Variants in RSBN1L observed in about 807,000 individuals in gnomAD.
The protein encoded by RSBN1L is lysine-specific demethylase RSBN1L.
A neutral mutation model predicts 67.7 loss-of-function variants in RSBN1L; 30 were observed. That is an observed-to-expected ratio of 0.44 (90% CI 0.33 to 0.60). The LOEUF is 0.60. Ranked by LOEUF, RSBN1L falls within the 20% of genes least tolerant of loss-of-function variation. RSBN1L has a pLI of 0.02. For synonymous variants in RSBN1L, 433 were observed against 387.0 expected, an observed-to-expected ratio of 1.12 and a Z score of -1.39; for missense variants, 992 against 1,031.7, an observed-to-expected ratio of 0.96 and a Z score of 0.53.
chr7:77,719,351 A>G (rs1791086985), intron 1 of RSBN1L, among the ~76,000 whole-genome samples: 1 of 152,248 alleles, frequency 6.6e-6, no homozygotes, highest in African/African-American at 2.4e-5. Context: ...TCTGGTTCCC[A>G]TAGTTACATA....
intron 3 of RSBN1L, among the ~76,000 whole-genome samples, chr7:77,764,078 CTTTTGATGTGACTATCT>C (rs1276890344): frequency 6.6e-6 from 1 of 152,156 alleles, no homozygotes; most frequent in Non-Finnish European, 1.5e-5. Flanking sequence ...AAGGATTCAA[CTTTTGATGTGACTATCT>C]TTTATAATCT....
chr7:77,773,286 G>A lies in RSBN1L; in HGVS notation c.1765G>A (p.Val589Met). 2.5e-6 allele frequency: 4 copies of A among 1,608,022 alleles called. No individual in the cohort carries two copies. The highest frequency in any genetic ancestry group is 3.4e-6 in the Non-Finnish European group (4 of 1,177,558). Reference sequence around the variant, plus strand: ...ACGACAGACTACAGCTGCTGTTGGAGTGCTGAAGGCTGTGCACTGTGGAGA... The same window carrying A: ...ACGACAGACTACAGCTGCTGTTGGAATGCTGAAGGCTGTGCACTGTGGAGA... ...FERQTTAAVG[V>M]LKAVHCGEWP... Residue 589 changes from valine to methionine, a missense_variant, in exon 6 of 8, where the codon GTG becomes ATG. Coordinates refer to ENST00000334955, the MANE Select transcript of RSBN1L (RefSeq NM_198467.3).
chr7:77,772,682 G>T (rs1791864668), intron 5 of RSBN1L, among the ~76,000 whole-genome samples: 1 of 152,144 alleles, frequency 6.6e-6, no homozygotes, highest in Non-Finnish European at 1.5e-5. Context: ...ACGAGAGTGG[G>T]GTCCTCTTCT....
Position 77,782,799 on chromosome 7 carries a change from G to GT in RSBN1L, c.*3637dup, listed in dbSNP as rs879544736. ...CATTAGTGTTCCTGAGTGTAAAACA[G>GT]TTTTTTCCCAAATACTTATGGCAGA... On this transcript the variant is annotated 3_prime_UTR_variant, in exon 8 of 8. Coordinates refer to ENST00000334955, the MANE Select transcript of RSBN1L (RefSeq NM_198467.3). The GT allele has an allele frequency of 1.3e-4, 20 of 152,148 alleles. No individual in the cohort carries two copies. In the South Asian group the frequency reaches 4.2e-3, roughly 32 times the overall value. The allele number at this position is 152,148 out of a possible 1,614,324, so 9.4% of individuals were successfully genotyped here.
chr7:77,730,369 A>C (rs1470524379), intron 1 of RSBN1L, among the ~76,000 whole-genome samples: 1 of 152,158 alleles, frequency 6.6e-6, no homozygotes, highest in Non-Finnish European at 1.5e-5. Flanking sequence ...AGAGTGGTAC[A>C]TTTGTTCCAA....
At chr7:77,733,470 A>C (rs779057410) in intron 1 of RSBN1L, among the ~76,000 whole-genome samples, 4 of 152,190 alleles carry the variant, frequency 2.6e-5, no homozygotes, top group Non-Finnish European at 5.9e-5. Flanking sequence ...GAATTATTTA[A>C]TATCATACCC....
At chr7:77,733,129 A>G (rs1791292304) in intron 1 of RSBN1L, among the ~76,000 whole-genome samples, 1 of 152,208 alleles carries the variant, frequency 6.6e-6, no homozygotes, top group Non-Finnish European at 1.5e-5. Context: ...CCCTGTCTCT[A>G]TTAAAGAAAA....
intron 3 of RSBN1L, among the ~76,000 whole-genome samples, chr7:77,759,245 C>A (rs565857045): frequency 6.6e-6 from 1 of 152,090 alleles, no homozygotes; most frequent in Non-Finnish European, 1.5e-5. Context: ...ACCAATTGTG[C>A]CTGCCCCATG....
chr7:77,723,032 A>G (rs781415541), intron 1 of RSBN1L, among the ~76,000 whole-genome samples: 16 of 150,106 alleles, frequency 1.1e-4, no homozygotes, highest in Non-Finnish European at 1.6e-4. Context: ...CAGTGGTGCA[A>G]TCTCGGCTCA....
chr7:77,715,838 T>G (rs1265800262), intron 1 of RSBN1L, among the ~76,000 whole-genome samples: 1 of 152,198 alleles, frequency 6.6e-6, no homozygotes, highest in Non-Finnish European at 1.5e-5. Context: ...TAGTTTTAAT[T>G]TACATTACCC....
chr7:77,706,677 T>G (rs1438539979), intron 1 of RSBN1L, among the ~76,000 whole-genome samples: 1 of 152,254 alleles, frequency 6.6e-6, no homozygotes. Context: ...CTATTTTGAT[T>G]TCAGATACCA....
intron 1 of RSBN1L, among the ~76,000 whole-genome samples, chr7:77,699,500 ATT>A (rs1790785411): frequency 6.6e-6 from 1 of 152,200 alleles, no homozygotes; most frequent in Non-Finnish European, 1.5e-5. Context: ...CTAGCAGGGT[ATT>A]TAGTAAATGT....
intron 3 of RSBN1L, among the ~76,000 whole-genome samples, chr7:77,761,739 G>A (rs1221922676): frequency 6.6e-6 from 1 of 152,184 alleles, no homozygotes; most frequent in East Asian, 1.9e-4. Flanking sequence ...GGTTACAACT[G>A]ATGGATTTGA....
At chr7:77,704,360 ATAAACT>A (rs1790860876) in intron 1 of RSBN1L, among the ~76,000 whole-genome samples, 1 of 152,252 alleles carries the variant, frequency 6.6e-6, no homozygotes, top group Non-Finnish European at 1.5e-5. Context: ...AAAAATAATG[ATAAACT>A]TAAAACTTCA....
intron 3 of RSBN1L, among the ~76,000 whole-genome samples, chr7:77,752,561 A>G (rs1243140629): frequency 6.6e-6 from 1 of 152,036 alleles, no homozygotes; most frequent in Non-Finnish European, 1.5e-5. Flanking sequence ...GCACAGTTCT[A>G]TTTCTCATCC....
At chr7:77,751,290 C>CCACGATGCCTG (rs1554341049) in intron 3 of RSBN1L, among the ~76,000 whole-genome samples, 1 of 151,780 alleles carries the variant, frequency 6.6e-6, no homozygotes, top group Non-Finnish European at 1.5e-5. Context: ...CAGACATGCA[C>CCACGATGCCTG]CACCATGCCT....
chr7:77,771,931 G>A (rs1791855520), intron 5 of RSBN1L, among the ~76,000 whole-genome samples: 1 of 151,958 alleles, frequency 6.6e-6, no homozygotes, highest in Non-Finnish European at 1.5e-5. Context: ...CTTTAAGGGG[G>A]TTCACCACTA....
chr7:77,738,174 T>A (rs1315398910), intron 2 of RSBN1L, among the ~76,000 whole-genome samples: 1 of 152,170 alleles, frequency 6.6e-6, no homozygotes, highest in Non-Finnish European at 1.5e-5. Context: ...AAGGAATCTG[T>A]TTTAGAAATA....
chr7:77,776,345 A>G (rs2150435142), intron 6 of RSBN1L, among the ~76,000 whole-genome samples: 1 of 152,334 alleles, frequency 6.6e-6, no homozygotes, highest in African/African-American at 2.4e-5. Flanking sequence ...TCACAGAGTT[A>G]TGCAACCACC....
Sources: allele counts gnomAD v4.1 joint callset (sites outside exome capture counted in the v4.1 genomes callset), GRCh38; gene constraint gnomAD v4.1.1; transcripts MANE v1.5; gene names NCBI Gene and HGNC (gene_info 2026-07-23, HGNC 2026-07-21).